ITCH: variants seen among roughly 807,000 people sequenced by gnomAD.
ITCH encodes the protein itchy E3 ubiquitin protein ligase, also known as E3 ubiquitin-protein ligase Itchy homolog.
Under a neutral mutation model 126.8 loss-of-function variants are expected in ITCH, and 28 were observed. That is an observed-to-expected ratio of 0.22 (90% CI 0.16 to 0.30). The LOEUF is 0.30. Ranked by LOEUF, ITCH falls within the 10% of genes least tolerant of loss-of-function variation. The pLI is 1.00. For missense variants in ITCH, 631 were observed against 1,032.4 expected (o/e 0.61, Z 5.33); for synonymous variants, 342 against 340.0 (o/e 1.01, Z -0.06).
rs185263456 is a variant in ITCH at position 34,406,457 on chromosome 20, T to G, written c.71-2194T>G. Among the ~76,000 whole-genome samples, 6 of 152,102 alleles carry G rather than the reference T, an allele frequency of 3.9e-5. No individual in the cohort carries two copies. The East Asian group carries it at 1.2e-3, about 29-fold the overall frequency. The stretch of plus-strand genomic sequence containing the variant: ...ATGGAAGTATTTGATATATGTAAAG[T>G]CAGAGTTTCAGGGCCACCACCTGGG... On this transcript the variant is annotated intron_variant, in intron 3 of 24. Coordinates refer to ENST00000374864, the MANE Select transcript of ITCH (RefSeq NM_031483.7).
chr20:34,396,031 TA>T lies in ITCH; in HGVS notation c.70+2151del, dbSNP rs199607602. On this transcript the variant is annotated intron_variant, in intron 3 of 24. Transcript: ENST00000374864. ...TTGAGGAATTCCAAATTATTATTAT[TA>T]TTATTTTTTTTTTTTTTTGGAGACA... is the stretch of plus-strand genomic sequence containing the variant. Among the ~76,000 whole-genome samples, 1,211 of 149,546 alleles carry T rather than the reference TA, an allele frequency of 8.1e-3. 18 individuals carry two copies. The highest frequency in any genetic ancestry group is 0.029 in the African/African-American group (1,164 of 40,036).
rs955707522 is a variant in ITCH at position 34,395,043 on chromosome 20, C to T, written c.70+1162C>T. Reference sequence around the variant, plus strand: ...GATTAGGAGTTTGAGACCAGCCTGGCCAACATGGTGAAACCCCGTCTCTAT... The same window carrying T: ...GATTAGGAGTTTGAGACCAGCCTGGTCAACATGGTGAAACCCCGTCTCTAT... On this transcript the variant is annotated intron_variant, in intron 3 of 24. Coordinates refer to ENST00000374864, the MANE Select transcript of ITCH (RefSeq NM_031483.7). Among the ~76,000 whole-genome samples the T allele has an allele frequency of 6.6e-5, 10 of 151,768 alleles. 1 individual carries two copies. The highest frequency in any genetic ancestry group is 2.0e-4 in the Admixed American group (3 of 15,206).
chr20:34,510,544 TG>T lies in ITCH; in HGVS notation c.*2755del, dbSNP rs1420814541. On this transcript the variant is annotated 3_prime_UTR_variant, in exon 25 of 25. Transcript: ENST00000374864. Reference sequence around the variant, plus strand: ...TATTGTTCTGCTCTTTTGCAGGGGGTGGGGGTTGGGGAAGACAGCATTCCAC... The same window carrying T: ...TATTGTTCTGCTCTTTTGCAGGGGGTGGGGTTGGGGAAGACAGCATTCCAC... 3 of 120,980 alleles carry T rather than the reference TG, an allele frequency of 2.5e-5. No homozygotes were observed. Among genetic ancestry groups the T allele is most frequent in the Non-Finnish European group, 4.9e-5 (3 of 60,802 alleles). 7.5% of individuals were successfully genotyped at this position (120,980 alleles called of 1,614,324 possible). A position where few individuals can be genotyped will look rare whatever the true frequency, so the allele number is the denominator to read the frequency against.
chr20:34,476,789 C>G (rs1600447831), intron 16 of ITCH: 1 of 165,998 alleles, frequency 6.0e-6, no homozygotes. Flanking sequence ...GGCATTATAT[C>G]AACTTCTCCC....
chr20:34,467,983 T>A (rs891350387), intron 14 of ITCH, among the ~76,000 whole-genome samples: 4 of 151,936 alleles, frequency 2.6e-5, no homozygotes, highest in Non-Finnish European at 5.9e-5. Context: ...AGGAAAAGCT[T>A]GTGACATAAT....
At chr20:34,503,226 A>G (rs1036759768) in intron 23 of ITCH, among the ~76,000 whole-genome samples, 4 of 152,204 alleles carry the variant, frequency 2.6e-5, no homozygotes, top group African/African-American at 7.2e-5. Context: ...GGGTTTAGTC[A>G]GGTGGGACAT....
intron 10 of ITCH, among the ~76,000 whole-genome samples, chr20:34,444,111 ATTAT>A (rs1369009572): frequency 6.6e-6 from 1 of 152,264 alleles, no homozygotes; most frequent in Non-Finnish European, 1.5e-5. Context: ...TCATTATTTT[ATTAT>A]TTATATAACA....
Position 34,459,461 on chromosome 20 carries a change from T to A in ITCH, c.1295+1987T>A, listed in dbSNP as rs1986312047. ...TTCCTCCAGAGGTCGGAACTGATGC[T>A]CCATGTCCCACAGCCTTGACTGTCC... On this transcript the variant is annotated intron_variant, in intron 13 of 24. Transcript: ENST00000374864. Among the ~76,000 whole-genome samples the A allele has an allele frequency of 3.3e-5, 5 of 152,130 alleles. No homozygotes were observed. In the South Asian group the frequency reaches 1.0e-3, roughly 31 times the overall value.
chr20:34,441,591 A>ATTTTTTTT (rs55890829), intron 9 of ITCH: 4,375 of 137,624 alleles, frequency 0.032, 157 homozygotes, highest in Non-Finnish European at 0.039. Context: ...TGCCCAGCTA[A>ATTTTTTTT]TTTTTTTTTT....
At position 34,368,795 on chromosome 20, in the gene ITCH, A is replaced by G. The variant is rs2037513010; in HGVS notation, c.-98-599A>G. Among the ~76,000 whole-genome samples, 8 of 152,076 alleles carry G rather than the reference A, an allele frequency of 5.3e-5. No individual in the cohort carries two copies. In the South Asian group the frequency reaches 1.5e-3, roughly 28 times the overall value. On this transcript the variant is annotated intron_variant, in intron 1 of 24. Transcript: ENST00000374864. ...TCTTTTCCTGTCCCTAGGAGTCTCCAAGTTGCAGGGACTATCATTATGGTG... is the reference window on the plus strand; with the variant it reads ...TCTTTTCCTGTCCCTAGGAGTCTCCGAGTTGCAGGGACTATCATTATGGTG...
At position 34,402,257 on chromosome 20, in the gene ITCH, C is replaced by T; in HGVS notation, c.71-6394C>T. 6.3e-6 allele frequency: 8 copies of T among 1,261,700 alleles called. No individual in the cohort carries two copies. In the South Asian group the frequency reaches 9.5e-5, roughly 15 times the overall value. The allele number at this position is 1,261,700 out of a possible 1,614,324, so 78.2% of individuals were successfully genotyped here. ...CTTTCTTTGTGAGTGCAGAACACTC[C>T]ACGTACTTGACAGTCTTCAGGTCAT... On this transcript the variant is annotated intron_variant, in intron 3 of 24. Transcript: ENST00000374864.
At chr20:34,373,961 T>C (rs1366185384) in intron 2 of ITCH, among the ~76,000 whole-genome samples, 1 of 152,090 alleles carries the variant, frequency 6.6e-6, no homozygotes, top group Non-Finnish European at 1.5e-5. Context: ...CTTGGCTGAC[T>C]GTAATCTCCG....
chr20:34,479,508 A>G (rs1228968332), intron 17 of ITCH, 122 bp from the exon 18 acceptor site: 4 of 761,114 alleles, frequency 5.3e-6, no homozygotes, highest in African/African-American at 1.7e-5. Flanking sequence ...ATAAAAATCA[A>G]CATGAGATTA....
intron 2 of ITCH, among the ~76,000 whole-genome samples, chr20:34,391,261 C>T (rs1341128144): frequency 6.6e-6 from 1 of 152,172 alleles, no homozygotes; most frequent in South Asian, 2.1e-4. Context: ...TTCCCTATGA[C>T]CACGTACTTG....
At chr20:34,400,409 C>G (rs996682556) in intron 3 of ITCH, among the ~76,000 whole-genome samples, 5 of 152,028 alleles carry the variant, frequency 3.3e-5, no homozygotes, top group Admixed American at 3.3e-4. Flanking sequence ...GAAAAGGACC[C>G]TTTGAGGAGA....
intron 20 of ITCH, among the ~76,000 whole-genome samples, chr20:34,488,451 G>C (rs1008210862): frequency 6.6e-6 from 1 of 151,936 alleles, no homozygotes; most frequent in African/African-American, 2.4e-5. Context: ...GTGGTGGTTC[G>C]TGCCTGTAAT....
intron 2 of ITCH, among the ~76,000 whole-genome samples, chr20:34,390,447 T>G (rs896316813): frequency 1.0e-4 from 14 of 134,784 alleles, no homozygotes; most frequent in African/African-American, 4.5e-4. Flanking sequence ...AATAATCTTT[T>G]TTTTTTTTTT....
intron 2 of ITCH, among the ~76,000 whole-genome samples, chr20:34,373,070 G>A (rs1289853083): frequency 2.0e-5 from 3 of 151,700 alleles, no homozygotes; most frequent in African/African-American, 7.3e-5. Flanking sequence ...CACCCACTGG[G>A]TTCAAGCGAT....
chr20:34,503,870 G>GTTGTTTTTTTTTTGTTT (rs1990433297), intron 23 of ITCH, among the ~76,000 whole-genome samples: 1 of 56,052 alleles, frequency 1.8e-5, no homozygotes, highest in Non-Finnish European at 3.8e-5. Context: ...TTTTTTTTTG[G>GTTGTTTTTTTTTTGTTT]TTTTTTTTTT....
Sources: gnomAD v4.1 joint callset for allele counts (sites outside exome capture counted in the v4.1 genomes callset) on GRCh38, gnomAD v4.1.1 for gene constraint, MANE v1.5 for transcripts, NCBI Gene and HGNC (gene_info 2026-07-23, HGNC 2026-07-21) for gene names.